The following COLEC12 variants were observed in gnomAD, a reference collection of about 807,000 sequenced individuals.
COLEC12 encodes collectin subfamily member 12, also known as collectin-12.
A neutral mutation model predicts 71.1 loss-of-function variants in COLEC12; 33 were observed. The observed-to-expected ratio is 0.46, with a 90% confidence interval of 0.35 to 0.62. COLEC12 has a LOEUF of 0.62. Among genes scored for constraint, COLEC12 ranks in the 20% least tolerant of loss-of-function variants. COLEC12 has a pLI of 0.00. For missense variants in COLEC12, 765 were observed against 916.1 expected (o/e 0.84, Z 2.13); for synonymous variants, 350 against 353.0 (o/e 0.99, Z 0.10).
intron 5 of COLEC12, among the ~76,000 whole-genome samples, chr18:343,071 G>A (rs146632071): frequency 1.3e-5 from 2 of 152,220 alleles, no homozygotes; most frequent in Non-Finnish European, 2.9e-5. Flanking sequence ...CAATCCATCA[G>A]CAGGTCCTGC....
At chr18:452,828 CTTTGG>C (rs1436346721) in intron 2 of COLEC12, among the ~76,000 whole-genome samples, 3 of 152,218 alleles carry the variant, frequency 2.0e-5, no homozygotes, top group Admixed American at 6.5e-5. Context: ...TGCCTATGAG[CTTTGG>C]CCACAGGTGC....
intron 1 of COLEC12, among the ~76,000 whole-genome samples, chr18:493,125 C>T (rs796246091): frequency 2.6e-5 from 4 of 152,144 alleles, no homozygotes; most frequent in South Asian, 2.1e-4. Context: ...GAGAATCGCT[C>T]GAACCCAAGA....
At position 332,994 on chromosome 18, in the gene COLEC12, G is replaced by C. The variant is rs1380154019; in HGVS notation, c.1953+13C>G. The C allele has an allele frequency of 6.4e-7, 1 of 1,552,874 alleles. No individual in the cohort carries two copies. The highest frequency in any genetic ancestry group is 1.2e-5 in the South Asian group (1 of 82,038). ...ATTATAGTTTTCCCCAACCAAGTATGTGGCAGGCATACCTGTTCCTCTCTA... is the reference window on the plus strand; with the variant it reads ...ATTATAGTTTTCCCCAACCAAGTATCTGGCAGGCATACCTGTTCCTCTCTA... On this transcript the variant is annotated intron_variant, in intron 7 of 9. Coordinates refer to ENST00000400256, the MANE Select transcript of COLEC12 (RefSeq NM_130386.3).
At chr18:351,935 C>A (rs8098226) in intron 3 of COLEC12, among the ~76,000 whole-genome samples, 11,889 of 152,158 alleles carry the variant, frequency 0.078, 548 homozygotes, top group African/African-American at 0.13. Context: ...CCACCTTGGC[C>A]TCCCAAAGTG....
intron 8 of COLEC12, among the ~76,000 whole-genome samples, chr18:322,329 G>A (rs574692922): frequency 6.6e-6 from 1 of 152,270 alleles, no homozygotes; most frequent in South Asian, 2.1e-4. Flanking sequence ...ACATTTACAA[G>A]AACCTACAAT....
chr18:335,747 G>C (rs927316200), intron 5 of COLEC12, among the ~76,000 whole-genome samples: 1 of 152,276 alleles, frequency 6.6e-6, no homozygotes, highest in Non-Finnish European at 1.5e-5. Flanking sequence ...ACTGTGTACT[G>C]TGTATATGGC....
intron 1 of COLEC12, among the ~76,000 whole-genome samples, chr18:498,389 C>T (rs28610238): frequency 0.35 from 41,239 of 118,944 alleles, 5,935 homozygotes; most frequent in African/African-American, 0.47. Flanking sequence ...GACGGAGTCT[C>T]GCTCTTGTCA....
intron 2 of COLEC12, among the ~76,000 whole-genome samples, chr18:397,613 T>C (rs892539714): frequency 2.0e-5 from 3 of 152,240 alleles, no homozygotes; most frequent in Non-Finnish European, 4.4e-5. Context: ...CTACCTTTGC[T>C]GTTTTTGTCA....
chr18:431,605 A>G (rs1916305542), intron 2 of COLEC12, among the ~76,000 whole-genome samples: 1 of 152,220 alleles, frequency 6.6e-6, no homozygotes. Context: ...GAGGAGGAGC[A>G]CACTGGAAGC....
At chr18:499,840 C>G (rs558650336) in intron 1 of COLEC12, among the ~76,000 whole-genome samples, 2 of 151,636 alleles carry the variant, frequency 1.3e-5, no homozygotes, top group Non-Finnish European at 2.9e-5. Flanking sequence ...GGGCGACTAA[C>G]CAGCTGAGGT....
chr18:382,565 C>G (rs1573318), intron 2 of COLEC12, among the ~76,000 whole-genome samples: 19,388 of 152,194 alleles, frequency 0.13, 1,448 homozygotes, highest in East Asian at 0.26. Flanking sequence ...TCCCTGCTTA[C>G]CTTAGGCTCA....
At chr18:330,703 C>T (rs148707918) in intron 8 of COLEC12, among the ~76,000 whole-genome samples, 288 of 152,040 alleles carry the variant, frequency 1.9e-3, no homozygotes, top group Middle Eastern at 3.4e-3. Context: ...CTAGGTTATC[C>T]AAGAAGGTAC....
intron 1 of COLEC12, among the ~76,000 whole-genome samples, chr18:488,521 A>T (rs997184225): frequency 1.3e-5 from 2 of 152,218 alleles, no homozygotes; most frequent in South Asian, 4.1e-4. Context: ...AGTAGAATAA[A>T]GGCATATAAA....
intron 1 of COLEC12, among the ~76,000 whole-genome samples, chr18:489,843 C>G (rs899338380): frequency 3.9e-5 from 6 of 152,100 alleles, no homozygotes; most frequent in Non-Finnish European, 7.4e-5. Context: ...AGAACAAAAC[C>G]CTCTTCTGCT....
chr18:347,474 C>T (rs1914411406), intron 4 of COLEC12, 133 bp from the exon 5 acceptor site: 1 of 686,500 alleles, frequency 1.5e-6, no homozygotes, highest in East Asian at 2.6e-5. Context: ...GCGGACAGCT[C>T]TGCATTAGTA....
chr18:413,870 T>C (rs1233413169), intron 2 of COLEC12, among the ~76,000 whole-genome samples: 3 of 152,234 alleles, frequency 2.0e-5, no homozygotes, highest in South Asian at 2.1e-4. Flanking sequence ...TAGACAATTA[T>C]GCTCAGTGGG....
In COLEC12 at chr18:318,836, T is replaced by A. The variant is rs1033844267; in HGVS notation, c.*1209A>T. 1 of 152,224 alleles carries A rather than the reference T, an allele frequency of 6.6e-6. No individual in the cohort carries two copies. The highest frequency in any genetic ancestry group is 1.5e-5 in the Non-Finnish European group (1 of 68,034). The allele number at this position is 152,224 out of a possible 1,614,324, so 9.4% of individuals were successfully genotyped here. The stretch of plus-strand genomic sequence containing the variant: ...GTTCCACAAAGTGGCCAAAAGTTTA[T>A]TCTTGCATTTTATCATGCGTATGCC... On this transcript the variant is annotated 3_prime_UTR_variant, in exon 10 of 10. Transcript: ENST00000400256.
chr18:500,279 G>A lies in COLEC12; in HGVS notation c.7+229C>T, dbSNP rs1018807266. On this transcript the variant is annotated intron_variant, in intron 1 of 9. Coordinates refer to ENST00000400256, the MANE Select transcript of COLEC12 (RefSeq NM_130386.3). The surrounding 1 kb of genome is among the most constrained non-coding windows in gnomAD (Gnocchi z 5.3). ...TACTTGCAAAGACGCGATGGGGAGG[G>A]GAATACTTGCGCGCTTCAAAACCCC... Among the ~76,000 whole-genome samples the A allele has an allele frequency of 6.6e-6, 1 of 152,162 alleles. No homozygotes were observed. Among genetic ancestry groups the A allele is most frequent in the Non-Finnish European group, 1.5e-5 (1 of 68,020 alleles).
chr18:424,898 C>A (rs971134381), intron 2 of COLEC12, among the ~76,000 whole-genome samples: 6 of 152,280 alleles, frequency 3.9e-5, no homozygotes, highest in African/African-American at 1.4e-4. Context: ...GAGTGAATGC[C>A]ATGTCACAGC....
Sources: allele counts gnomAD v4.1 joint callset (sites outside exome capture counted in the v4.1 genomes callset), GRCh38; gene constraint gnomAD v4.1.1; non-coding constraint Gnocchi (gnomAD v3.1); transcripts MANE v1.5; gene names NCBI Gene and HGNC (gene_info 2026-07-23, HGNC 2026-07-21).